The following FNDC3A variants were observed in gnomAD, a reference collection of about 807,000 sequenced individuals.
FNDC3A encodes fibronectin type-III domain-containing protein 3A.
In FNDC3A, 32 loss-of-function variants were observed where a neutral mutation model predicts 148.9. The observed-to-expected ratio is 0.21, with a 90% CI of 0.16 to 0.29. The LOEUF (loss-of-function observed/expected upper bound fraction) is 0.29. FNDC3A is among the 10% of genes least tolerant of loss of function. The pLI is 1.00. For missense variants in FNDC3A, 1,191 were observed against 1,452.8 expected, an observed-to-expected ratio of 0.82 and a Z score of 2.93; for synonymous variants, 472 against 473.6, an observed-to-expected ratio of 1.00 and a Z score of 0.04.
chr13:49,131,198 C>T lies in FNDC3A; in HGVS notation c.314C>T (p.Pro105Leu). ...VVVPQAPEFH[P>L]GSHTVLHRSP... ...GTCCCTCAGGCACCAGAGTTTCACC[C>T]TGGTAGTCACACAGTTCTCCACCGT... The change falls in exon 5 of 26, where the codon CCT becomes CTT. Residue 105 changes from proline to leucine, a missense_variant. Pro to Leu is a moderately conservative substitution (Grantham distance 98). Coordinates refer to ENST00000492622, the MANE Select transcript of FNDC3A (RefSeq NM_001079673.2). 6.2e-7 allele frequency: 1 copy of T among 1,614,098 alleles called. No homozygotes were observed. The highest frequency in any genetic ancestry group is 8.5e-7 in the Non-Finnish European group (1 of 1,180,002).
At chr13:49,078,874 A>G (rs1314213695) in intron 3 of FNDC3A, among the ~76,000 whole-genome samples, 1 of 152,208 alleles carries the variant, frequency 6.6e-6, no homozygotes, top group Non-Finnish European at 1.5e-5. Context: ...AGAAACATAG[A>G]TCATTATAGC....
intron 2 of FNDC3A, among the ~76,000 whole-genome samples, chr13:49,007,279 A>G (rs1020268088): frequency 6.6e-6 from 1 of 152,138 alleles, no homozygotes; most frequent in African/African-American, 2.4e-5. Context: ...CTTGGGTTCT[A>G]AATTTTTCTG....
chr13:49,199,494 A>C (rs1366754899), intron 23 of FNDC3A, among the ~76,000 whole-genome samples: 1 of 151,762 alleles, frequency 6.6e-6, no homozygotes, highest in Non-Finnish European at 1.5e-5. Flanking sequence ...CGCCCGGCTA[A>C]TTTTTTGTAT....
chr13:49,189,328 G>A (rs1361973069), intron 17 of FNDC3A, among the ~76,000 whole-genome samples: 6 of 151,632 alleles, frequency 4.0e-5, no homozygotes, highest in Admixed American at 6.6e-5. Context: ...GACTACAGGC[G>A]CCCCCCACCA....
chr13:49,142,175 A>T (rs573166015), intron 7 of FNDC3A, among the ~76,000 whole-genome samples: 3 of 152,228 alleles, frequency 2.0e-5, no homozygotes, highest in African/African-American at 4.8e-5. Flanking sequence ...GTAGAACTGT[A>T]TCTCCTGAGG....
chr13:49,062,724 C>T (rs1276884579), intron 2 of FNDC3A, among the ~76,000 whole-genome samples: 1 of 152,120 alleles, frequency 6.6e-6, no homozygotes, highest in East Asian at 1.9e-4. Context: ...GCTCATATTC[C>T]TGTTATACCA....
chr13:49,201,155 G>T, intron 23 of FNDC3A: 1 of 300,614 alleles, frequency 3.3e-6, no homozygotes, highest in South Asian at 3.0e-5. Flanking sequence ...AAAAATAATG[G>T]GATGCATTCA....
intron 1 of FNDC3A, among the ~76,000 whole-genome samples, chr13:48,988,292 A>G (rs1951843339): frequency 6.6e-6 from 1 of 152,206 alleles, no homozygotes; most frequent in Non-Finnish European, 1.5e-5. Flanking sequence ...CTCTGGATCA[A>G]GTGGACTTAA....
At chr13:49,021,052 T>A (rs1227776285) in intron 2 of FNDC3A, among the ~76,000 whole-genome samples, 1 of 152,196 alleles carries the variant, frequency 6.6e-6, no homozygotes, top group Non-Finnish European at 1.5e-5. Context: ...TGAGAGAATT[T>A]CAATTTGATA....
intron 3 of FNDC3A, among the ~76,000 whole-genome samples, chr13:49,079,535 G>A (rs1024174219): frequency 1.3e-5 from 2 of 152,160 alleles, no homozygotes; most frequent in African/African-American, 2.4e-5. Flanking sequence ...TAGACAGAGG[G>A]AAAGTGTTCA....
chr13:49,046,493 T>A, intron 2 of FNDC3A: 1 of 160,056 alleles, frequency 6.2e-6, no homozygotes. Flanking sequence ...TTGGGTTGCC[T>A]TTCTAAGACT....
At chr13:49,171,521 C>A (rs1014762535) in intron 10 of FNDC3A, among the ~76,000 whole-genome samples, 4 of 152,124 alleles carry the variant, frequency 2.6e-5, no homozygotes, top group Non-Finnish European at 1.5e-5. Context: ...AGGGAGACTG[C>A]ATACTTTTAC....
chr13:48,994,422 A>G (rs1951983840), intron 1 of FNDC3A, among the ~76,000 whole-genome samples: 2 of 152,244 alleles, frequency 1.3e-5, no homozygotes, highest in South Asian at 4.1e-4. Context: ...AAGTGTATGT[A>G]TGGTAATGGT....
chr13:49,207,050 G>C, intron 25 of FNDC3A, 31 bp from the exon 26 acceptor site: 1 of 1,535,210 alleles, frequency 6.5e-7, no homozygotes, highest in South Asian at 1.1e-5. Flanking sequence ...GCCTTCACAC[G>C]TAATTCTTCC....
chr13:49,125,861 A>G (rs1356214433), intron 4 of FNDC3A, among the ~76,000 whole-genome samples: 1 of 152,118 alleles, frequency 6.6e-6, no homozygotes, highest in Non-Finnish European at 1.5e-5. Context: ...TAAAGGAAGA[A>G]AAAAAAACAT....
chr13:49,100,184 GT>G, intron 3 of FNDC3A, among the ~76,000 whole-genome samples: 1 of 152,152 alleles, frequency 6.6e-6, no homozygotes, highest in East Asian at 1.9e-4. Flanking sequence ...ACTTGCATAT[GT>G]TTTTTAATAA....
intron 2 of FNDC3A, among the ~76,000 whole-genome samples, chr13:49,034,790 C>T (rs1874376870): frequency 6.6e-6 from 1 of 151,946 alleles, no homozygotes; most frequent in South Asian, 2.1e-4. Context: ...TAAGGGGGTG[C>T]ATGTTATTGC....
At position 49,065,816 on chromosome 13, in the gene FNDC3A, A is replaced by G. The variant is rs570583388; in HGVS notation, c.100-9473A>G. On this transcript the variant is annotated intron_variant, in intron 2 of 25. Coordinates refer to ENST00000492622, the MANE Select transcript of FNDC3A (RefSeq NM_001079673.2). ...GACTGTATCCCAGTTTTATAACTTA[A>G]TACATAGTAAAATATGAGAATCATT... is the stretch of plus-strand genomic sequence containing the variant. Among the ~76,000 whole-genome samples the G allele has an allele frequency of 9.0e-4, 137 of 152,192 alleles. 1 individual carries two copies. Among genetic ancestry groups the G allele is most frequent in the Non-Finnish European group, 1.7e-3 (113 of 68,020 alleles).
At chr13:49,102,359 T>C (rs544351461) in intron 3 of FNDC3A, among the ~76,000 whole-genome samples, 1 of 152,200 alleles carries the variant, frequency 6.6e-6, no homozygotes, top group Non-Finnish European at 1.5e-5. Flanking sequence ...AGGATCTTTC[T>C]TCACAATAGT....
Sources: gnomAD v4.1 joint callset for allele counts (sites outside exome capture counted in the v4.1 genomes callset) on GRCh38, gnomAD v4.1.1 for gene constraint, MANE v1.5 for transcripts, NCBI Gene and HGNC (gene_info 2026-07-23, HGNC 2026-07-21) for gene names.